MSRA: variants seen among roughly 807,000 people sequenced by gnomAD.
MSRA encodes the protein methionine sulfoxide reductase A.
MSRA carries 54 observed loss-of-function variants against 31.3 expected under a neutral mutation model. That is an observed-to-expected ratio of 1.73 (90% CI 1.39 to 2.17). The LOEUF (loss-of-function observed/expected upper bound fraction) is 2.17, where lower values mean the gene tolerates loss of function less well. Among genes scored for constraint, MSRA ranks in the 30% most tolerant of loss-of-function variants. The probability of loss-of-function intolerance (pLI) is 0.00; values close to 1 mark genes in which losing one functional copy is unlikely to be tolerated. For missense variants in MSRA, 507 were observed against 300.9 expected, an observed-to-expected ratio of 1.69 and a Z score of -5.07; for synonymous variants, 169 against 116.5, an observed-to-expected ratio of 1.45 and a Z score of -2.90.
At chr8:10,406,454 A>G (rs34775321) in intron 5 of MSRA, among the ~76,000 whole-genome samples, 31,693 of 152,188 alleles carry the variant, frequency 0.21, 4,268 homozygotes, top group Non-Finnish European at 0.29. Context: ...CATGCAGGAA[A>G]GTGGGGCATC....
At chr8:10,097,333 C>G (rs930000253) in intron 1 of MSRA, among the ~76,000 whole-genome samples, 2 of 152,092 alleles carry the variant, frequency 1.3e-5, no homozygotes, top group Non-Finnish European at 2.9e-5. Flanking sequence ...TTAATAAGCT[C>G]CTTTATACAC....
At chr8:10,270,927 C>T (rs1258833372) in intron 3 of MSRA, among the ~76,000 whole-genome samples, 1 of 152,120 alleles carries the variant, frequency 6.6e-6, no homozygotes, top group South Asian at 2.1e-4. Flanking sequence ...GGCTTTGCCA[C>T]GGCAGAAATG....
chr8:10,079,181 C>T (rs538241891), intron 1 of MSRA, among the ~76,000 whole-genome samples: 1 of 152,012 alleles, frequency 6.6e-6, no homozygotes, highest in South Asian at 2.1e-4. Context: ...TTTTTTTAGG[C>T]AGGGTCTCAC....
intron 1 of MSRA, among the ~76,000 whole-genome samples, chr8:10,135,714 T>C (rs1292153950): frequency 1.3e-5 from 2 of 152,196 alleles, no homozygotes; most frequent in Non-Finnish European, 2.9e-5. Context: ...AATTGCCATT[T>C]TTATGGGCAA....
intron 1 of MSRA, among the ~76,000 whole-genome samples, chr8:10,109,065 C>T (rs1800095253): frequency 6.6e-6 from 1 of 152,208 alleles, no homozygotes; most frequent in East Asian, 1.9e-4. Flanking sequence ...TCTCTAGGTT[C>T]TGGCCAGCGC....
chr8:10,382,538 C>G (rs908595542), intron 5 of MSRA, among the ~76,000 whole-genome samples: 1 of 152,096 alleles, frequency 6.6e-6, no homozygotes, highest in African/African-American at 2.4e-5. Context: ...CTACACCTGC[C>G]TCTCATTTGG....
intron 5 of MSRA, among the ~76,000 whole-genome samples, chr8:10,421,251 A>T (rs1427958124): frequency 6.6e-6 from 1 of 152,172 alleles, no homozygotes; most frequent in African/African-American, 2.4e-5. Context: ...GGCTGTGGTC[A>T]TGCCTGTCCT....
At chr8:10,081,470 T>G (rs1798290074) in intron 1 of MSRA, among the ~76,000 whole-genome samples, 1 of 152,182 alleles carries the variant, frequency 6.6e-6, no homozygotes, top group African/African-American at 2.4e-5. Context: ...ATGCTACCTC[T>G]TTTTCACACT....
intron 5 of MSRA, among the ~76,000 whole-genome samples, chr8:10,410,836 A>G (rs1808111208): frequency 6.6e-6 from 1 of 152,186 alleles, no homozygotes; most frequent in Admixed American, 6.5e-5. Flanking sequence ...AATTATATGC[A>G]AATTTAAATT....
intron 3 of MSRA, among the ~76,000 whole-genome samples, chr8:10,272,713 C>G (rs1799112108): frequency 6.6e-6 from 1 of 152,158 alleles, no homozygotes; most frequent in Non-Finnish European, 1.5e-5. Flanking sequence ...GGAAAGCGTC[C>G]AAATGTCGAT....
chr8:10,293,156 G>C (rs1481198378), intron 3 of MSRA, among the ~76,000 whole-genome samples: 1 of 152,166 alleles, frequency 6.6e-6, no homozygotes, highest in Non-Finnish European at 1.5e-5. Flanking sequence ...TGGATCTAGA[G>C]GCTTTGCAGG....
intron 5 of MSRA, among the ~76,000 whole-genome samples, chr8:10,395,354 C>A (rs190991244): frequency 6.6e-6 from 1 of 152,096 alleles, no homozygotes; most frequent in Non-Finnish European, 1.5e-5. Context: ...GTCTGTGAAC[C>A]GCCATGTTCA....
At chr8:10,109,829 C>T (rs1055596479) in intron 1 of MSRA, among the ~76,000 whole-genome samples, 5 of 152,094 alleles carry the variant, frequency 3.3e-5, no homozygotes, top group African/African-American at 9.7e-5. Flanking sequence ...TTGAACTGTT[C>T]AGGACAGTGA....
intron 1 of MSRA, among the ~76,000 whole-genome samples, chr8:10,121,411 C>T (rs1422801926): frequency 6.6e-6 from 1 of 152,108 alleles, no homozygotes; most frequent in African/African-American, 2.4e-5. Flanking sequence ...AACTGTGCGA[C>T]TTTCTTTTGC....
chr8:10,258,020 C>T (rs1176438575), intron 3 of MSRA, among the ~76,000 whole-genome samples: 2 of 152,160 alleles, frequency 1.3e-5, no homozygotes, highest in Non-Finnish European at 1.5e-5. Context: ...TAGTCGTTTC[C>T]AAGTGCATGG....
Position 10,222,977 on chromosome 8 carries a change from C to T in MSRA, c.211+15076C>T, listed in dbSNP as rs564872500. ...GATTTTAAATGTTCTCACCACATAA[C>T]AGTGTTAAGTGTGTAAGGTGATAGG... On this transcript the variant is annotated intron_variant, in intron 2 of 5. Transcript: ENST00000317173. 2.2e-4 allele frequency among the ~76,000 whole-genome samples: 34 copies of T among 152,230 alleles called. 1 individual carries two copies. In the South Asian group the frequency reaches 6.4e-3, roughly 29 times the overall value.
At chr8:10,319,539 T>C (rs1385505130) in intron 4 of MSRA, among the ~76,000 whole-genome samples, 4 of 151,884 alleles carry the variant, frequency 2.6e-5, no homozygotes, top group Non-Finnish European at 4.4e-5. Context: ...AAGGAAATAA[T>C]ATGTATCATA....
intron 5 of MSRA, among the ~76,000 whole-genome samples, chr8:10,375,163 A>G (rs1244720694): frequency 6.6e-6 from 1 of 152,230 alleles, no homozygotes; most frequent in African/African-American, 2.4e-5. Flanking sequence ...ACACACTTGT[A>G]CAGCCACAAA....
At chr8:10,424,611 AG>A (rs983818923) in intron 5 of MSRA, among the ~76,000 whole-genome samples, 1 of 144,774 alleles carries the variant, frequency 6.9e-6, no homozygotes. Flanking sequence ...AGAAGGGGCC[AG>A]GGTGGAGTGG....
Sources: gnomAD v4.1 joint callset for allele counts (sites outside exome capture counted in the v4.1 genomes callset) on GRCh38, gnomAD v4.1.1 for gene constraint, MANE v1.5 for transcripts, NCBI Gene and HGNC (gene_info 2026-07-23, HGNC 2026-07-21) for gene names.